CRAMP1: variants seen among roughly 807,000 people sequenced by gnomAD.
The protein encoded by CRAMP1 is cramped chromatin regulator 1, also known as protein cramped-like.
Under a neutral mutation model 115.4 loss-of-function variants are expected in CRAMP1, and 50 were observed. The observed-to-expected ratio is 0.43, with a 90% CI of 0.35 to 0.55. CRAMP1 has a LOEUF of 0.55. CRAMP1 is among the 20% of genes least tolerant of loss of function. The pLI, the probability that CRAMP1 is intolerant of heterozygous loss-of-function variation, is 0.01. For synonymous variants in CRAMP1, 866 were observed against 745.4 expected, an observed-to-expected ratio of 1.16 and a Z score of -2.64; for missense variants, 1,679 against 1,721.7, an observed-to-expected ratio of 0.98 and a Z score of 0.44.
At chr16:1,644,170 C>T (rs187522326) in intron 6 of CRAMP1, among the ~76,000 whole-genome samples, 17 of 152,302 alleles carry the variant, frequency 1.1e-4, no homozygotes, top group African/African-American at 4.1e-4. Flanking sequence ...TGGGAGCCTG[C>T]GCTAAGGGAC....
At chr16:1,643,973 T>C (rs1403644941) in intron 6 of CRAMP1, among the ~76,000 whole-genome samples, 1 of 152,222 alleles carries the variant, frequency 6.6e-6, no homozygotes, top group African/African-American at 2.4e-5. Context: ...TTAAGGAAGC[T>C]AGTGTTGAGG....
chr16:1,670,916 TAGA>T lies in CRAMP1; in HGVS notation c.3645+112_3645+114del, dbSNP rs1279817776. Reference sequence around the variant, plus strand: ...GTTAGTAAGAGCTGTTTGCCAAGAGTAGAAGAACAGGAGACAGCACGTCCACAC... The same window carrying T: ...GTTAGTAAGAGCTGTTTGCCAAGAGTAGAACAGGAGACAGCACGTCCACAC... On this transcript the variant is annotated intron_variant, in intron 20 of 20. Transcript: ENST00000397412. 20 of 1,065,452 alleles carry T rather than the reference TAGA, an allele frequency of 1.9e-5. No homozygotes were observed. The Admixed American group carries it at 2.7e-4, about 14-fold the overall frequency. The allele number at this position is 1,065,452 out of a possible 1,614,324, so 66.0% of individuals were successfully genotyped here.
intron 6 of CRAMP1, among the ~76,000 whole-genome samples, chr16:1,645,667 G>C (rs975970650): frequency 6.6e-6 from 1 of 152,118 alleles, no homozygotes; most frequent in African/African-American, 2.4e-5. Context: ...TGAACACCCT[G>C]TGCTCTGCCT....
Position 1,669,171 on chromosome 16 carries a change from T to C in CRAMP1, c.3499+6T>C, listed in dbSNP as rs554868657. ...CTCGCTCAGCAGCCTGTTTGGTGAG[T>C]GTATGGGGAGGGCTCCCATCTCCTT... On this transcript the variant is annotated splice_donor_region_variant and intron_variant, in intron 19 of 20. Coordinates refer to ENST00000397412, the MANE Select transcript of CRAMP1 (RefSeq NM_020825.4). The surrounding 1 kb of genome is among the most constrained non-coding windows in gnomAD (Gnocchi z 4.6). 2.5e-6 allele frequency: 4 copies of C among 1,577,688 alleles called. No individual in the cohort carries two copies. The African/African-American group carries it at 4.1e-5, about 16-fold the overall frequency.
intron 11 of CRAMP1, among the ~76,000 whole-genome samples, chr16:1,662,285 T>C (rs2036838162): frequency 2.0e-5 from 3 of 152,218 alleles, no homozygotes; most frequent in Admixed American, 6.5e-5. Context: ...ACCAGTGGTC[T>C]GCTCAAAATG....
At chr16:1,624,050 C>T (rs1317810593) in intron 2 of CRAMP1, among the ~76,000 whole-genome samples, 1 of 152,080 alleles carries the variant, frequency 6.6e-6, no homozygotes, top group Non-Finnish European at 1.5e-5. Flanking sequence ...TCAGGTGCAG[C>T]ACCGTCTGGT....
intron 3 of CRAMP1, among the ~76,000 whole-genome samples, chr16:1,630,601 C>T (rs563192157): frequency 3.3e-5 from 5 of 152,304 alleles, no homozygotes; most frequent in Admixed American, 2.6e-4. Context: ...CATTTGCAGG[C>T]GGTATTCAGA....
In CRAMP1 at chr16:1,614,477, G is replaced by A. The variant is rs972891047; in HGVS notation, c.-1-162G>A. On this transcript the variant is annotated intron_variant, in intron 1 of 20. Transcript: ENST00000397412. This position sits in a 1 kb window ranked among gnomAD's most constrained non-coding sequence, Gnocchi z 4.4. ...GGCCGGGGGCGGCGGCGTGGGGGCG[G>A]CAGGGGCCGCGGCGGGCTCGGGCGG... is the stretch of plus-strand genomic sequence containing the variant. 8.0e-4 allele frequency among the ~76,000 whole-genome samples: 116 copies of A among 145,516 alleles called. No homozygotes were observed. Among genetic ancestry groups the A allele is most frequent in the African/African-American group, 2.7e-3 (110 of 40,564 alleles).
Position 1,660,038 on chromosome 16 carries a change from G to T in CRAMP1, c.2388G>T (p.Pro796=). The T allele has an allele frequency of 6.3e-7, 1 of 1,593,250 alleles. No homozygotes were observed. Residue 796 remains proline (P), a synonymous_variant, in exon 11 of 21, where the codon CCG becomes CCT. Coordinates refer to ENST00000397412, the MANE Select transcript of CRAMP1 (RefSeq NM_020825.4). ...CCCTCCGCAGCAGCAAGACCTTCCC[G>T]CCCAGCTCTGCACCCTGCTCCTCAG... ...QASLRSSKTF[P]PSSAPCSSGL... is the part of the protein sequence containing the mutation.
intron 6 of CRAMP1, among the ~76,000 whole-genome samples, chr16:1,644,217 C>A (rs1457144545): frequency 6.6e-6 from 1 of 152,218 alleles, no homozygotes; most frequent in East Asian, 1.9e-4. Flanking sequence ...GCCCCAGCCT[C>A]ACCTGTCGTA....
At chr16:1,631,528 G>C (rs2036548197) in intron 3 of CRAMP1, among the ~76,000 whole-genome samples, 1 of 152,236 alleles carries the variant, frequency 6.6e-6, no homozygotes, top group African/African-American at 2.4e-5. Context: ...GCTGGTTACT[G>C]CTGAGCCCTT....
chr16:1,630,014 T>C (rs2036537338), intron 3 of CRAMP1, among the ~76,000 whole-genome samples: 1 of 152,064 alleles, frequency 6.6e-6, no homozygotes, highest in South Asian at 2.1e-4. Context: ...GTCCCCCAGC[T>C]GCCAAGAGTC....
At chr16:1,644,131 C>T (rs1393951610) in intron 6 of CRAMP1, among the ~76,000 whole-genome samples, 3 of 152,328 alleles carry the variant, frequency 2.0e-5, no homozygotes, top group African/African-American at 7.2e-5. Context: ...GACTCCTGGA[C>T]CGAGTGCTGG....
At chr16:1,640,137 G>C (rs758380899) in intron 5 of CRAMP1, among the ~76,000 whole-genome samples, 9 of 152,172 alleles carry the variant, frequency 5.9e-5, no homozygotes, top group Non-Finnish European at 1.2e-4. Context: ...GTTTCCATCT[G>C]GCTTTGTTTC....
Position 1,660,018 on chromosome 16 carries a change from C to A in CRAMP1, c.2368C>A (p.Arg790Ser). The A allele has an allele frequency of 6.2e-7, 1 of 1,601,688 alleles. No homozygotes were observed. The highest frequency in any genetic ancestry group is 8.5e-7 in the Non-Finnish European group (1 of 1,179,302). Residue 790 changes from arginine to serine, a missense_variant, in exon 11 of 21, where the codon CGC becomes AGC. Physicochemically the swap from Arg to Ser is moderately radical, Grantham distance 110. Coordinates refer to ENST00000397412, the MANE Select transcript of CRAMP1 (RefSeq NM_020825.4). ...CTGCCCTCGGAACCAGGCCTCCCTC[C>A]GCAGCAGCAAGACCTTCCCGCCCAG... ...PRCPRNQASL[R>S]SSKTFPPSSA... is the part of the protein sequence containing the mutation.
chr16:1,658,919 G>A (rs1377313452), intron 10 of CRAMP1, among the ~76,000 whole-genome samples: 1 of 152,172 alleles, frequency 6.6e-6, no homozygotes, highest in Non-Finnish European at 1.5e-5. Flanking sequence ...GAAGAGAGCC[G>A]AGAGGCTGGG....
intron 3 of CRAMP1, among the ~76,000 whole-genome samples, chr16:1,630,664 G>A (rs1268484970): frequency 6.6e-6 from 1 of 152,134 alleles, no homozygotes; most frequent in Non-Finnish European, 1.5e-5. Flanking sequence ...CGCCGCACTC[G>A]GCTGCCCAAA....
At chr16:1,638,990 T>C (rs942385684) in intron 5 of CRAMP1, among the ~76,000 whole-genome samples, 1 of 152,102 alleles carries the variant, frequency 6.6e-6, no homozygotes. Flanking sequence ...TCCGTGGGCC[T>C]CGTGTCCCAG....
intron 3 of CRAMP1, among the ~76,000 whole-genome samples, chr16:1,631,755 C>T (rs146832986): frequency 5.3e-5 from 8 of 152,332 alleles, no homozygotes; most frequent in Non-Finnish European, 7.3e-5. Flanking sequence ...TAAATGCTCA[C>T]GTTTGCTGTC....
Sources: allele counts gnomAD v4.1 joint callset (sites outside exome capture counted in the v4.1 genomes callset), GRCh38; gene constraint gnomAD v4.1.1; non-coding constraint Gnocchi (gnomAD v3.1); transcripts MANE v1.5; gene names NCBI Gene and HGNC (gene_info 2026-07-23, HGNC 2026-07-21).